SYT9: variants seen among roughly 807,000 people sequenced by gnomAD.
SYT9 encodes the protein synaptotagmin 9.
Under a neutral mutation model 48.4 loss-of-function variants are expected in SYT9, and 22 were observed. The observed-to-expected ratio is 0.45, with a 90% confidence interval of 0.32 to 0.65. SYT9 has a LOEUF of 0.65. Among genes scored for constraint, SYT9 ranks in the 30% least tolerant of loss-of-function variants. SYT9 has a pLI of 0.03. For synonymous variants in SYT9, 265 were observed against 245.0 expected (o/e 1.08, Z -0.76); for missense variants, 577 against 622.0 (o/e 0.93, Z 0.77).
chr11:7,374,649 T>C (rs1365997134), intron 3 of SYT9, among the ~76,000 whole-genome samples: 1 of 152,214 alleles, frequency 6.6e-6, no homozygotes, highest in African/African-American at 2.4e-5. Context: ...GTGGTTTTGA[T>C]TTTCTTTTCT....
chr11:7,463,814 G>A (rs188719618), intron 6 of SYT9, among the ~76,000 whole-genome samples: 4 of 152,264 alleles, frequency 2.6e-5, no homozygotes, highest in African/African-American at 4.8e-5. Flanking sequence ...AGGCTGCACC[G>A]CCGTATTTCC....
intron 6 of SYT9, among the ~76,000 whole-genome samples, chr11:7,464,195 A>G (rs191446110): frequency 6.6e-6 from 1 of 152,306 alleles, no homozygotes; most frequent in Non-Finnish European, 1.5e-5. Context: ...ATACATATGC[A>G]TGTCACTAGC....
chr11:7,297,358 A>G (rs929910034), intron 1 of SYT9, among the ~76,000 whole-genome samples: 3 of 152,196 alleles, frequency 2.0e-5, no homozygotes, highest in African/African-American at 7.2e-5. Flanking sequence ...TTCATAGTCA[A>G]TGTTATTTTA....
intron 3 of SYT9, among the ~76,000 whole-genome samples, chr11:7,329,560 T>C (rs1272399497): frequency 6.6e-6 from 1 of 152,180 alleles, no homozygotes; most frequent in Non-Finnish European, 1.5e-5. Flanking sequence ...GATAAGTACC[T>C]CTAGGGACTC....
intron 6 of SYT9, chr11:7,450,401 G>C (rs1848025913): frequency 6.6e-6 from 1 of 152,168 alleles, no homozygotes; most frequent in South Asian, 2.1e-4. Context: ...TCTGTCATGG[G>C]AATAACATGC....
At position 7,420,567 on chromosome 11, in the gene SYT9, A is replaced by G; in HGVS notation, c.1399A>G (p.Arg467Gly). 1 of 1,614,208 alleles carries G rather than the reference A, an allele frequency of 6.2e-7. No individual in the cohort carries two copies. Among genetic ancestry groups the G allele is most frequent in the Non-Finnish European group, 8.5e-7 (1 of 1,180,026 alleles). Residue 467 changes from arginine (R) to glycine (G), a missense_variant, in exon 6 of 7, where the codon AGA (arginine) becomes GGA (glycine). Physicochemically the swap from Arg to Gly is moderately radical, Grantham distance 125. Transcript: ENST00000318881. ...AGGCAACGAGGCTGAGAGGCTGGGC[A>G]GAGACCACTGGAGTGAAATGTTGTC... ...QVGNEAERLG[R>G]DHWSEMLSYP...
intron 1 of SYT9, among the ~76,000 whole-genome samples, chr11:7,302,673 GC>G (rs1371564171): frequency 6.6e-6 from 1 of 152,192 alleles, no homozygotes; most frequent in Non-Finnish European, 1.5e-5. Flanking sequence ...ATTTGAAACT[GC>G]CCTGCTCAAA....
At chr11:7,326,440 C>G (rs1303931543) in intron 3 of SYT9, among the ~76,000 whole-genome samples, 1 of 129,326 alleles carries the variant, frequency 7.7e-6, no homozygotes, top group Non-Finnish European at 1.6e-5. Context: ...GTTTGTATTT[C>G]TGTGGGATCG....
intron 2 of SYT9, among the ~76,000 whole-genome samples, chr11:7,306,207 A>G (rs899382067): frequency 6.6e-6 from 1 of 152,124 alleles, no homozygotes; most frequent in Non-Finnish European, 1.5e-5. Flanking sequence ...AAAGTTCTCT[A>G]CTCCAAATGT....
chr11:7,315,960 T>C (rs1391523734), intron 3 of SYT9, among the ~76,000 whole-genome samples: 1 of 152,140 alleles, frequency 6.6e-6, no homozygotes, highest in Non-Finnish European at 1.5e-5. Context: ...ATCTAAGCCT[T>C]TGGATGGCCA....
chr11:7,328,092 AATAATAAT>A (rs1214520603), intron 3 of SYT9, among the ~76,000 whole-genome samples: 1 of 114,902 alleles, frequency 8.7e-6, no homozygotes, highest in Non-Finnish European at 1.8e-5. Context: ...TAATAATAAT[AATAATAAT>A]TTTAAAAAAA....
intron 3 of SYT9, among the ~76,000 whole-genome samples, chr11:7,350,584 A>G (rs1265344989): frequency 6.6e-6 from 1 of 152,186 alleles, no homozygotes; most frequent in Non-Finnish European, 1.5e-5. Flanking sequence ...CTCAAAATGC[A>G]GCCCTGGGGC....
chr11:7,403,633 C>G (rs1846942438), intron 3 of SYT9, among the ~76,000 whole-genome samples: 1 of 151,964 alleles, frequency 6.6e-6, no homozygotes, highest in Admixed American at 6.6e-5. Flanking sequence ...GATTCCTTTT[C>G]ATTATTTATT....
intron 2 of SYT9, among the ~76,000 whole-genome samples, chr11:7,307,394 G>A (rs778918220): frequency 2.0e-5 from 3 of 152,210 alleles, no homozygotes; most frequent in Non-Finnish European, 4.4e-5. Context: ...TGCTTCAAAA[G>A]TGGAAGTTGC....
At chr11:7,452,148 C>CACACACAG (rs60058723) in intron 6 of SYT9, among the ~76,000 whole-genome samples, 1 of 150,248 alleles carries the variant, frequency 6.7e-6, no homozygotes, top group Non-Finnish European at 1.5e-5. Flanking sequence ...CACACACACA[C>CACACACAG]TGAGGAAAAA....
intron 3 of SYT9, among the ~76,000 whole-genome samples, chr11:7,403,394 T>A (rs961333894): frequency 3.9e-5 from 6 of 151,956 alleles, no homozygotes; most frequent in East Asian, 1.9e-4. Context: ...TACAAAAAAA[T>A]TTAAAAATAT....
At chr11:7,240,179 G>A (rs1847726512) in intron 1 of SYT9, among the ~76,000 whole-genome samples, 1 of 152,104 alleles carries the variant, frequency 6.6e-6, no homozygotes. Context: ...ACATCTCAGA[G>A]GTCCAAGTGG....
At chr11:7,296,572 C>T (rs1848811572) in intron 1 of SYT9, among the ~76,000 whole-genome samples, 1 of 152,164 alleles carries the variant, frequency 6.6e-6, no homozygotes, top group Admixed American at 6.5e-5. Context: ...CTTCTTCCTC[C>T]TTCTTCTTCC....
At chr11:7,349,798 G>T in intron 3 of SYT9, among the ~76,000 whole-genome samples, 1 of 152,176 alleles carries the variant, frequency 6.6e-6, no homozygotes, top group East Asian at 1.9e-4. Context: ...AAGTGATAAA[G>T]GTGAGATAGC....
Sources: allele counts gnomAD v4.1 joint callset (sites outside exome capture counted in the v4.1 genomes callset), GRCh38; gene constraint gnomAD v4.1.1; transcripts MANE v1.5; gene names NCBI Gene and HGNC (gene_info 2026-07-23, HGNC 2026-07-21).